The following TMTC1 variants were observed in gnomAD, a reference collection of about 807,000 sequenced individuals.
TMTC1 encodes the protein protein O-mannosyl-transferase TMTC1.
Under a neutral mutation model 104.8 loss-of-function variants are expected in TMTC1, and 73 were observed. The ratio of observed to expected loss-of-function variants is 0.70; its 90% CI spans 0.58 to 0.85. The LOEUF is 0.85. Ranked by LOEUF, TMTC1 falls within the 40% of genes least tolerant of loss-of-function variation. The probability of loss-of-function intolerance (pLI) is 0.00; values close to 1 mark genes in which losing one functional copy is unlikely to be tolerated. For synonymous variants in TMTC1, 434 were observed against 428.7 expected, an observed-to-expected ratio of 1.01 and a Z score of -0.15; for missense variants, 1,035 against 1,096.1, an observed-to-expected ratio of 0.94 and a Z score of 0.79.
chr12:29,646,848 CT>C (rs1939289864), intron 5 of TMTC1, among the ~76,000 whole-genome samples: 1 of 152,162 alleles, frequency 6.6e-6, no homozygotes, highest in African/African-American at 2.4e-5. Context: ...ATTCATTAGG[CT>C]GCTGTTTGAT....
intron 5 of TMTC1, among the ~76,000 whole-genome samples, chr12:29,662,758 TC>T (rs968601308): frequency 5.9e-5 from 9 of 151,302 alleles, no homozygotes; most frequent in Non-Finnish European, 1.0e-4. Flanking sequence ...GGTGAGAGCC[TC>T]ACGCTTCCTT....
intron 5 of TMTC1, among the ~76,000 whole-genome samples, chr12:29,691,768 C>T (rs1418288939): frequency 2.2e-5 from 3 of 139,318 alleles, no homozygotes; most frequent in Admixed American, 7.4e-5. Flanking sequence ...TACTGGAGGT[C>T]TGAGAGAGGA....
At position 29,633,352 on chromosome 12, in the gene TMTC1, G is replaced by T; in HGVS notation, c.939-16C>A. 6.3e-7 allele frequency: 1 copy of T among 1,585,168 alleles called. No homozygotes were observed. Among genetic ancestry groups the T allele is most frequent in the Non-Finnish European group, 8.6e-7 (1 of 1,160,406 alleles). ...GGTGAGGAATCTATAAAGAGAAGAA[G>T]AATCACTGAAACACTGCTCAAGAAC... On this transcript the variant is annotated splice_polypyrimidine_tract_variant and intron_variant, in intron 5 of 17. Transcript: ENST00000539277.
chr12:29,530,829 GAAGT>G (rs1174693563), intron 11 of TMTC1, among the ~76,000 whole-genome samples: 1 of 152,158 alleles, frequency 6.6e-6, no homozygotes, highest in Non-Finnish European at 1.5e-5. Flanking sequence ...ATACATATTA[GAAGT>G]AAGCTCACCT....
At chr12:29,592,669 T>C (rs1394058119) in intron 7 of TMTC1, among the ~76,000 whole-genome samples, 3 of 152,204 alleles carry the variant, frequency 2.0e-5, no homozygotes, top group Non-Finnish European at 4.4e-5. Flanking sequence ...TCGGTTTGCA[T>C]GTCCACCCTG....
intron 10 of TMTC1, among the ~76,000 whole-genome samples, chr12:29,556,587 C>A (rs758567190): frequency 6.6e-6 from 1 of 152,172 alleles, no homozygotes; most frequent in African/African-American, 2.4e-5. Flanking sequence ...ATTTATCTGA[C>A]CATGTAACAC....
rs192049030 is a variant in TMTC1 at position 29,751,793 on chromosome 12, G to A, written c.811C>T (p.Arg271Trp). The change falls in exon 5 of 18, where the codon CGG becomes TGG. Residue 271 changes from arginine (R) to tryptophan (W), a missense_variant. Physicochemically the swap from Arg to Trp is moderately radical, Grantham distance 101 (BLOSUM62 -3). Coordinates refer to ENST00000539277, the MANE Select transcript of TMTC1 (RefSeq NM_001193451.2). ...AACCGCTGCTGCTTCCCATTCTCCC[G>A]GTGAGGATGGCCTGGCAGTGAGGAG... ...QPSSLPGHPH[R>W]ENGKQQRFPH... The A allele has an allele frequency of 5.5e-5, 88 of 1,613,072 alleles. No individual in the cohort carries two copies. In the African/African-American group the frequency reaches 8.7e-4, roughly 16 times the overall value.
At chr12:29,645,135 C>T (rs1016459712) in intron 5 of TMTC1, among the ~76,000 whole-genome samples, 2 of 152,176 alleles carry the variant, frequency 1.3e-5, no homozygotes, top group East Asian at 1.9e-4. Flanking sequence ...AAGAAATCAG[C>T]CTGATAATAA....
chr12:29,709,857 T>C (rs1304654438), intron 5 of TMTC1, among the ~76,000 whole-genome samples: 1 of 152,226 alleles, frequency 6.6e-6, no homozygotes, highest in Admixed American at 6.5e-5. Context: ...GATAGGTTTC[T>C]TGAGGTTGCT....
At chr12:29,584,060 A>C (rs753101197) in intron 7 of TMTC1, among the ~76,000 whole-genome samples, 57 of 152,154 alleles carry the variant, frequency 3.7e-4, no homozygotes, top group Non-Finnish European at 7.8e-4. Flanking sequence ...GTCACCAAGG[A>C]GGACTGTTCT....
At chr12:29,554,759 T>C (rs141590966) in intron 10 of TMTC1, among the ~76,000 whole-genome samples, 2,027 of 152,186 alleles carry the variant, frequency 0.013, 21 homozygotes, top group South Asian at 0.026. Flanking sequence ...TAGTCCCACC[T>C]ACTTGAGTCT....
intron 12 of TMTC1, among the ~76,000 whole-genome samples, chr12:29,520,315 C>T (rs1944112258): frequency 6.6e-6 from 1 of 152,130 alleles, no homozygotes; most frequent in Non-Finnish European, 1.5e-5. Flanking sequence ...ATTTCATCAT[C>T]ATGGATTTAT....
intron 4 of TMTC1, among the ~76,000 whole-genome samples, chr12:29,753,299 C>A (rs536941030): frequency 6.6e-6 from 1 of 152,274 alleles, no homozygotes; most frequent in East Asian, 1.9e-4. Flanking sequence ...CAAGAGTCCA[C>A]GACCCCCCAG....
intron 5 of TMTC1, among the ~76,000 whole-genome samples, chr12:29,714,998 T>G (rs934226542): frequency 6.6e-6 from 1 of 152,222 alleles, no homozygotes; most frequent in African/African-American, 2.4e-5. Context: ...AAAATAGTAC[T>G]TTTTACCCAT....
In TMTC1 at chr12:29,546,242, C is replaced by G. The variant is rs144401775; in HGVS notation, c.1677-9925G>C. Reference sequence around the variant, plus strand: ...CTCATGAGACATGAGAAGTGCTGAGCAGAGTGCCATTTAAGTGCCAGTTAC... The same window carrying G: ...CTCATGAGACATGAGAAGTGCTGAGGAGAGTGCCATTTAAGTGCCAGTTAC... On this transcript the variant is annotated intron_variant, in intron 10 of 17. Coordinates refer to ENST00000539277, the MANE Select transcript of TMTC1 (RefSeq NM_001193451.2). Among the ~76,000 whole-genome samples, 25 of 152,276 alleles carry G rather than the reference C, an allele frequency of 1.6e-4. No homozygotes were observed. In the East Asian group the frequency reaches 4.1e-3, roughly 25 times the overall value.
In TMTC1 at chr12:29,710,810, TATAATATA is replaced by T. The variant is rs1381989415; in HGVS notation, c.938+40848_938+40855del. Among the ~76,000 whole-genome samples, 78 of 53,422 alleles carry T rather than the reference TATAATATA, an allele frequency of 1.5e-3. 1 individual carries two copies. Among genetic ancestry groups the T allele is most frequent in the African/African-American group, 3.3e-3 (69 of 21,060 alleles). 35.0% of individuals were successfully genotyped at this position (53,422 alleles called of 152,430 possible). On this transcript the variant is annotated intron_variant, in intron 5 of 17. Transcript: ENST00000539277. ...TATATTAATACATAATGTATTTATA[TATAATATA>T]ATGTTTATATAATATAAATATATTA...
In TMTC1 at chr12:29,517,557, G is replaced by A. The variant is rs753111295; in HGVS notation, c.2039C>T (p.Ala680Val). 5 of 1,613,984 alleles carry A rather than the reference G, an allele frequency of 3.1e-6. No individual in the cohort carries two copies. In the South Asian group the frequency reaches 5.5e-5, roughly 18 times the overall value. ...EEWYKRALQV[A>V]HKAEILSPLG... ...AGGTGACAATATCTCAGCTTTGTGT[G>A]CCACCTGCAGGGCGCTGAGTTTGGA... The change falls in exon 14 of 18, where the codon GCA (alanine) becomes GTA (valine). Residue 680 changes from alanine (A) to valine (V), a missense_variant. Physicochemically the swap from Ala to Val is moderately conservative, Grantham distance 64. Coordinates refer to ENST00000539277, the MANE Select transcript of TMTC1 (RefSeq NM_001193451.2).
intron 7 of TMTC1, among the ~76,000 whole-genome samples, chr12:29,601,918 T>G (rs912812190): frequency 2.0e-5 from 3 of 147,982 alleles, no homozygotes; most frequent in Non-Finnish European, 3.0e-5. Flanking sequence ...TCACTGCAAG[T>G]TCCGCCTCCC....
intron 8 of TMTC1, among the ~76,000 whole-genome samples, chr12:29,579,618 A>T (rs1215937957): frequency 6.6e-6 from 1 of 152,200 alleles, no homozygotes; most frequent in Admixed American, 6.5e-5. Context: ...GTCCCTTTCT[A>T]GGTATTTTGA....
Sources: allele counts gnomAD v4.1 joint callset (sites outside exome capture counted in the v4.1 genomes callset), GRCh38; gene constraint gnomAD v4.1.1; transcripts MANE v1.5; gene names NCBI Gene and HGNC (gene_info 2026-07-23, HGNC 2026-07-21).